The following GABRD variants were observed in gnomAD, a reference collection of about 807,000 sequenced individuals.
GABRD encodes gamma-aminobutyric acid receptor subunit delta.
GABRD carries 25 observed loss-of-function variants against 47.3 expected under a neutral mutation model. The observed-to-expected ratio is 0.53, with a 90% CI of 0.39 to 0.74. The LOEUF (loss-of-function observed/expected upper bound fraction) is 0.74. Among genes scored for constraint, GABRD ranks in the 30% least tolerant of loss-of-function variants. The pLI, the probability that GABRD is intolerant of heterozygous loss-of-function variation, is 0.00. For missense variants in GABRD, 497 were observed against 643.4 expected (o/e 0.77, Z 2.46); for synonymous variants, 314 against 278.8 (o/e 1.13, Z -1.26).
intron 7 of GABRD, 28 bp downstream of exon 7, chr1:2,029,294 G>A: frequency 1.3e-6 from 2 of 1,542,356 alleles, no homozygotes; most frequent in Non-Finnish European, 1.7e-6. Flanking sequence ...TGCTCCGAGG[G>A]AGCTGGAAGG....
rs41307846 is a variant in GABRD at position 2,028,260 on chromosome 1, G to A, written c.659G>A (p.Arg220His). The part of the protein sequence containing the change: ...QLAQFTITSY[R>H]FTTELMNFKS... ...GCGCAGTTCACCATCACCAGCTACC[G>A]CTTCACCACGGAGCTGATGAACTTC... The change falls in exon 6 of 9, where the codon CGC becomes CAC. Residue 220 changes from arginine to histidine, a missense_variant. By Grantham distance (29) the Arg-to-His change is conservative. Coordinates refer to ENST00000378585, the MANE Select transcript of GABRD (RefSeq NM_000815.5). The surrounding 1 kb of genome is among the most constrained non-coding windows in gnomAD (Gnocchi z 6.4). 0.021 allele frequency: 34,275 copies of A among 1,611,710 alleles called. 437 individuals carry two copies. The highest frequency in any genetic ancestry group is 0.024 in the Non-Finnish European group (28,305 of 1,179,578).
intron 1 of GABRD, among the ~76,000 whole-genome samples, chr1:2,020,038 G>C (rs1226678636): frequency 1.3e-5 from 2 of 152,252 alleles, no homozygotes; most frequent in Non-Finnish European, 2.9e-5. Flanking sequence ...GTTTCAAATG[G>C]CGTGGGCAGA....
intron 1 of GABRD, among the ~76,000 whole-genome samples, chr1:2,022,663 C>T (rs1359974860): frequency 1.3e-5 from 2 of 152,272 alleles, no homozygotes; most frequent in Middle Eastern, 3.2e-3. Context: ...AGGCAACTGC[C>T]ATTTGCATTT....
At chr1:2,026,437 A>T (rs1302867247) in intron 4 of GABRD, 1 of 152,336 alleles carries the variant, frequency 6.6e-6, no homozygotes, top group Non-Finnish European at 1.5e-5. Flanking sequence ...GGCGTTGGCG[A>T]ATGTGAAAAC....
At chr1:2,020,682 G>A (rs371777783) in intron 1 of GABRD, among the ~76,000 whole-genome samples, 2 of 152,310 alleles carry the variant, frequency 1.3e-5, no homozygotes, top group Admixed American at 6.5e-5. Flanking sequence ...GACGAAGCTC[G>A]GGGCACAGTT....
In GABRD at chr1:2,030,036, G is replaced by T; in HGVS notation, c.1113G>T (p.Thr371=). The T allele has an allele frequency of 6.2e-7, 1 of 1,612,548 alleles. No homozygotes were observed. Among genetic ancestry groups the T allele is most frequent in the South Asian group, 1.1e-5 (1 of 91,054 alleles). Reference sequence around the variant, plus strand: ...TCTCCCTCTCTGCTGCCGGCGTCACGCAGGAGCTGGCCATCTCCCGCCGGC... The same window carrying T: ...TCTCCCTCTCTGCTGCCGGCGTCACTCAGGAGCTGGCCATCTCCCGCCGGC... ...VLFSLSAAGV[T]QELAISRRQR... The change falls in exon 9 of 9, where the codon ACG becomes ACT. Residue 371 remains threonine (T), a synonymous_variant. Transcript: ENST00000378585.
intron 4 of GABRD, chr1:2,026,501 T>C (rs1173200364): frequency 2.0e-5 from 3 of 152,234 alleles, no homozygotes; most frequent in Admixed American, 6.5e-5. Context: ...TTCAGACACA[T>C]GCCTCTTAAA....
rs1658879135 is a variant in GABRD at position 2,025,009 on chromosome 1, G to A, written c.136G>A (p.Gly46Arg). The change falls in exon 2 of 9, where the codon GGG (glycine) becomes AGG (arginine). Residue 46 changes from glycine to arginine, a missense_variant. By Grantham distance (125) the Gly-to-Arg change is moderately radical. This residue lies in a region of GABRD where 91 missense variants were observed against 85.5 expected (regional missense o/e 1.06). Coordinates refer to ENST00000378585, the MANE Select transcript of GABRD (RefSeq NM_000815.5). The part of the protein sequence containing the change: ...LEISWLPNLD[G>R]LIAGYARNFR... ...GATCTCCTGGCTCCCCAACCTGGAC[G>A]GGCTGATAGCCGGCTACGCCCGCAA... 4.3e-6 allele frequency: 7 copies of A among 1,612,728 alleles called. No homozygotes were observed. The highest frequency in any genetic ancestry group is 2.7e-5 in the African/African-American group (2 of 74,950).
At chr1:2,021,894 C>A (rs1403094630) in intron 1 of GABRD, among the ~76,000 whole-genome samples, 4 of 152,174 alleles carry the variant, frequency 2.6e-5, no homozygotes, top group Non-Finnish European at 5.9e-5. Flanking sequence ...CTGTCTGTCC[C>A]CAGGGCGCAG....
At position 2,029,243 on chromosome 1, in the gene GABRD, C is replaced by T. The variant is rs868379771; in HGVS notation, c.824C>T (p.Ala275Val). ...SWVSFWISQA[A>V]VPARVSLGIT... is the part of the protein sequence containing the mutation. ...GTCTCCTTCTGGATCAGCCAGGCGGCGGTGCCCGCCAGGGTGTCTCTAGGT... is the reference window on the plus strand; with the variant it reads ...GTCTCCTTCTGGATCAGCCAGGCGGTGGTGCCCGCCAGGGTGTCTCTAGGT... Residue 275 changes from alanine to valine, a missense_variant, in exon 7 of 9, where the codon GCG becomes GTG. By Grantham distance (64) the Ala-to-Val change is moderately conservative. This residue lies in a region of GABRD where 285 missense variants were observed against 436.6 expected (regional missense o/e 0.65). Coordinates refer to ENST00000378585, the MANE Select transcript of GABRD (RefSeq NM_000815.5). The T allele has an allele frequency of 2.6e-6, 4 of 1,566,056 alleles. No individual in the cohort carries two copies. Among genetic ancestry groups the T allele is most frequent in the East Asian group, 4.8e-5 (2 of 42,072 alleles).
At position 2,030,415 on chromosome 1, in the gene GABRD, A is replaced by G. The variant is rs1016164241; in HGVS notation, c.*133A>G. On this transcript the variant is annotated 3_prime_UTR_variant, in exon 9 of 9. Coordinates refer to ENST00000378585, the MANE Select transcript of GABRD (RefSeq NM_000815.5). ...AGTGGGATGACAGTCGGCCACGGAA[A>G]ACAAGAGGAAGCCTCGGCCTCCCTG... 1 of 801,058 alleles carries G rather than the reference A, an allele frequency of 1.2e-6. No homozygotes were observed. Among genetic ancestry groups the G allele is most frequent in the African/African-American group, 1.8e-5 (1 of 55,628 alleles). 49.6% of individuals were successfully genotyped at this position (801,058 alleles called of 1,614,324 possible). A position where few individuals can be genotyped will look rare whatever the true frequency, so the allele number is the denominator to read the frequency against.
Position 2,030,172 on chromosome 1 carries a change from G to A in GABRD, c.1249G>A (p.Ala417Thr), listed in dbSNP as rs1659049225. 1 of 1,575,120 alleles carries A rather than the reference G, an allele frequency of 6.3e-7. No homozygotes were observed. Among genetic ancestry groups the A allele is most frequent in the East Asian group, 2.3e-5 (1 of 44,390 alleles). Residue 417 changes from alanine (A) to threonine (T), a missense_variant, in exon 9 of 9, where the codon GCC (alanine) becomes ACC (threonine). This residue lies in a region of GABRD where 121 missense variants were observed against 121.3 expected (regional missense o/e 1.00). Transcript: ENST00000378585. Reference sequence around the variant, plus strand: ...CTCAGGAGGCCAGGGGGGCATCCGTGCCCGGCTCAGGCCCATCGACGCAGA... The same window carrying A: ...CTCAGGAGGCCAGGGGGGCATCCGTACCCGGCTCAGGCCCATCGACGCAGA... ...ARSGGQGGIR[A>T]RLRPIDADTI...
At chr1:2,025,157 C>G (rs115649337) in intron 2 of GABRD, 103 bp downstream of exon 2, 9 of 1,273,790 alleles carry the variant, frequency 7.1e-6, no homozygotes, top group Non-Finnish European at 1.0e-5. Flanking sequence ...GGCAAGGAAG[C>G]CTGGCTCTCC....
intron 2 of GABRD, 137 bp downstream of exon 2, chr1:2,025,191 G>T: frequency 7.9e-7 from 1 of 1,273,090 alleles, no homozygotes; most frequent in East Asian, 2.4e-5. Flanking sequence ...ATCAGAGCCA[G>T]GCCCCCACAG....
In GABRD at chr1:2,025,073, C is replaced by A; in HGVS notation, c.181+19C>A. On this transcript the variant is annotated intron_variant, in intron 2 of 8. Coordinates refer to ENST00000378585, the MANE Select transcript of GABRD (RefSeq NM_000815.5). ...ATCGGAGGTGAGGGGCGGTCCAGGC[C>A]CGGCAGGCAGGAGCCGCTGGAGCCC... 1.3e-6 allele frequency: 2 copies of A among 1,596,482 alleles called. No homozygotes were observed. The highest frequency in any genetic ancestry group is 1.7e-6 in the Non-Finnish European group (2 of 1,167,720).
At position 2,019,367 on chromosome 1, in the gene GABRD, C is replaced by A. The variant is rs1658712072; in HGVS notation, c.-57C>A. 2 of 963,960 alleles carry A rather than the reference C, an allele frequency of 2.1e-6. No individual in the cohort carries two copies. Among genetic ancestry groups the A allele is most frequent in the Non-Finnish European group, 2.5e-6 (2 of 804,376 alleles). 59.7% of individuals were successfully genotyped at this position (963,960 alleles called of 1,614,324 possible). ...CTCAGCTCCCGCCCGCCTGTGCCGCCTGTGCGGCCGCCGGGAGCCAAGTTT... is the reference window on the plus strand; with the variant it reads ...CTCAGCTCCCGCCCGCCTGTGCCGCATGTGCGGCCGCCGGGAGCCAAGTTT... On this transcript the variant is annotated 5_prime_UTR_variant, in exon 1 of 9. The change creates a new upstream start codon in the 5' untranslated region. Coordinates refer to ENST00000378585, the MANE Select transcript of GABRD (RefSeq NM_000815.5).
rs1002131544 is a variant in GABRD, at chr1:2,028,099, C to T, written c.554-56C>T. On this transcript the variant is annotated intron_variant, in intron 5 of 8. Coordinates refer to ENST00000378585, the MANE Select transcript of GABRD (RefSeq NM_000815.5). The surrounding 1 kb of genome is among the most constrained non-coding windows in gnomAD (Gnocchi z 6.4). ...TCCTGTGTGGACGGAGCGCTCCTGC[C>T]AGGGCTCCCGGGGCAGGGCCGGGCT... The T allele has an allele frequency of 5.1e-6, 8 of 1,577,492 alleles. No homozygotes were observed. Among genetic ancestry groups the T allele is most frequent in the Non-Finnish European group, 6.9e-6 (8 of 1,157,740 alleles).
chr1:2,025,516 A>G lies in GABRD; in HGVS notation c.250-2A>G. ...CCCCCGGCCCCTGTGCCACCTCCACAGGAGTACACCATGACGGTGTTCCTG... is the reference window on the plus strand; with the variant it reads ...CCCCCGGCCCCTGTGCCACCTCCACGGGAGTACACCATGACGGTGTTCCTG... On this transcript the variant is annotated splice_acceptor_variant, in intron 3 of 8. Coordinates refer to ENST00000378585, the MANE Select transcript of GABRD (RefSeq NM_000815.5). LOFTEE classifies it high-confidence loss of function. 6.2e-7 allele frequency: 1 copy of G among 1,612,928 alleles called. No individual in the cohort carries two copies. The highest frequency in any genetic ancestry group is 8.5e-7 in the Non-Finnish European group (1 of 1,179,900).
At chr1:2,029,380 TG>T in intron 7 of GABRD, 114 bp downstream of exon 7, 1 of 1,322,242 alleles carries the variant, frequency 7.6e-7, no homozygotes, top group South Asian at 1.4e-5. Context: ...CCAGCTGTCC[TG>T]GGGCAGTGGC....
Sources: gnomAD v4.1 joint callset for allele counts (sites outside exome capture counted in the v4.1 genomes callset) on GRCh38, gnomAD v4.1.1 for gene constraint, gnomAD v4.1.1 regional missense constraint, Gnocchi (gnomAD v3.1) non-coding constraint, MANE v1.5 for transcripts, NCBI Gene and HGNC (gene_info 2026-07-23, HGNC 2026-07-21) for gene names.